Variants in CXCL13 observed in about 807,000 individuals in gnomAD.
CXCL13 encodes the protein C-X-C motif chemokine ligand 13.
A neutral mutation model predicts 12.2 loss-of-function variants in CXCL13; 7 were observed. That is an observed-to-expected ratio of 0.57 (90% confidence interval 0.33 to 1.07). The LOEUF is 1.07. Among genes scored for constraint, CXCL13 ranks in the 50% least tolerant of loss-of-function variants. The probability of loss-of-function intolerance (pLI) is 0.04; values close to 1 mark genes in which losing one functional copy is unlikely to be tolerated. For synonymous variants in CXCL13, 47 were observed against 42.4 expected, an observed-to-expected ratio of 1.11 and a Z score of -0.42; for missense variants, 113 against 127.4, an observed-to-expected ratio of 0.89 and a Z score of 0.55.
chr4:77,568,007 C>T (rs1351866903), intron 1 of CXCL13, among the ~76,000 whole-genome samples: 1 of 152,208 alleles, frequency 6.6e-6, no homozygotes, highest in Non-Finnish European at 1.5e-5. Flanking sequence ...TGTCCACTTG[C>T]CCTTGGCTCT....
chr4:77,574,620 A>G (rs961024297), intron 1 of CXCL13, among the ~76,000 whole-genome samples: 3 of 151,966 alleles, frequency 2.0e-5, no homozygotes, highest in African/African-American at 7.3e-5. Context: ...TTGGGCACCT[A>G]AAAGACAGAA....
At position 77,611,564 on chromosome 4, in the gene CXCL13, C is replaced by T; in HGVS notation, c.*525C>T. 7.6e-6 allele frequency: 3 copies of T among 397,142 alleles called. No individual in the cohort carries two copies. The highest frequency in any genetic ancestry group is 1.3e-5 in the Non-Finnish European group (3 of 225,622). The allele number at this position is 397,142 out of a possible 1,614,324, so 24.6% of individuals were successfully genotyped here. On this transcript the variant is annotated 3_prime_UTR_variant, in exon 4 of 4. Transcript: ENST00000682537. ...CACTACGGAGGAGAATTAAGTCCTA[C>T]TTTTAAAGAATTTCTTTATAAAATT...
intron 1 of CXCL13, among the ~76,000 whole-genome samples, chr4:77,589,556 GAAAAA>G (rs1025081480): frequency 7.4e-6 from 1 of 134,562 alleles, no homozygotes; most frequent in Non-Finnish European, 1.6e-5. Context: ...GTATGTATCA[GAAAAA>G]AAAAACCTAG....
chr4:77,566,193 C>T (rs972722582), intron 1 of CXCL13, among the ~76,000 whole-genome samples: 7 of 152,138 alleles, frequency 4.6e-5, no homozygotes, highest in South Asian at 4.1e-4. Flanking sequence ...AAATTTCTTC[C>T]GTCCCGCTTC....
chr4:77,604,019 C>G (rs1174793516), upstream of CXCL13, among the ~76,000 whole-genome samples: 1 of 152,198 alleles, frequency 6.6e-6, no homozygotes, highest in East Asian at 1.9e-4. Context: ...TAGTTTATAA[C>G]CCTGAGTGAC....
At chr4:77,593,366 T>G (rs1437423948) in intron 1 of CXCL13, among the ~76,000 whole-genome samples, 1 of 152,202 alleles carries the variant, frequency 6.6e-6, no homozygotes, top group African/African-American at 2.4e-5. Flanking sequence ...TCACATCATC[T>G]CCCATATGTG....
At chr4:77,564,629 C>T (rs577877763) in intron 1 of CXCL13, among the ~76,000 whole-genome samples, 1 of 152,286 alleles carries the variant, frequency 6.6e-6, no homozygotes, top group Non-Finnish European at 1.5e-5. Flanking sequence ...CCTATACCAC[C>T]AGTGAAGAAA....
At chr4:77,547,577 A>C (rs1351564252) in intron 1 of CXCL13, among the ~76,000 whole-genome samples, 5 of 150,134 alleles carry the variant, frequency 3.3e-5, no homozygotes, top group African/African-American at 1.2e-4. Flanking sequence ...TTTGTTTTCC[A>C]TTTTCTTGGT....
At chr4:77,596,568 T>C (rs1451943064) in intron 1 of CXCL13, among the ~76,000 whole-genome samples, 5 of 152,058 alleles carry the variant, frequency 3.3e-5, no homozygotes. Context: ...GCGAATCACC[T>C]GAGGTCAGGA....
intron 1 of CXCL13, among the ~76,000 whole-genome samples, chr4:77,533,882 A>G (rs1443502412): frequency 6.6e-6 from 1 of 152,212 alleles, no homozygotes; most frequent in Non-Finnish European, 1.5e-5. Flanking sequence ...GACCTTTGGA[A>G]AAGTGCAGTA....
intron 1 of CXCL13, among the ~76,000 whole-genome samples, chr4:77,519,742 G>T (rs1428705984): frequency 1.3e-5 from 2 of 152,088 alleles, no homozygotes; most frequent in Non-Finnish European, 2.9e-5. Flanking sequence ...GTCAATTTTG[G>T]CTTTTGTTGT....
chr4:77,542,769 T>C (rs1256268942), intron 1 of CXCL13, among the ~76,000 whole-genome samples: 4 of 152,196 alleles, frequency 2.6e-5, no homozygotes, highest in Admixed American at 2.6e-4. Context: ...AGTTTGCTGG[T>C]ATTTACTTGA....
chr4:77,569,046 G>A (rs1415752359), intron 1 of CXCL13, among the ~76,000 whole-genome samples: 1 of 152,154 alleles, frequency 6.6e-6, no homozygotes, highest in Non-Finnish European at 1.5e-5. Context: ...TTGTCACTAA[G>A]GTGCCTTTTA....
intron 1 of CXCL13, among the ~76,000 whole-genome samples, chr4:77,557,184 C>T (rs1725679529): frequency 6.6e-6 from 1 of 152,162 alleles, no homozygotes; most frequent in Non-Finnish European, 1.5e-5. Flanking sequence ...TCATTGATTA[C>T]TTGGTTCTCT....
chr4:77,549,140 C>T (rs753790999), intron 1 of CXCL13, among the ~76,000 whole-genome samples: 1 of 152,196 alleles, frequency 6.6e-6, no homozygotes, highest in Non-Finnish European at 1.5e-5. Flanking sequence ...GCTACTGAAG[C>T]TTGTGCATGT....
chr4:77,593,352 T>C (rs1726663951), intron 1 of CXCL13, among the ~76,000 whole-genome samples: 1 of 152,210 alleles, frequency 6.6e-6, no homozygotes, highest in Non-Finnish European at 1.5e-5. Context: ...TAATAATCAT[T>C]GCATCACATC....
intron 1 of CXCL13, among the ~76,000 whole-genome samples, chr4:77,587,709 A>G (rs1726507264): frequency 6.6e-6 from 1 of 152,246 alleles, no homozygotes; most frequent in Non-Finnish European, 1.5e-5. Context: ...ACCCAAGGCC[A>G]TGAAACTAGT....
At chr4:77,563,923 G>A (rs1725869949) in intron 1 of CXCL13, among the ~76,000 whole-genome samples, 1 of 152,146 alleles carries the variant, frequency 6.6e-6, no homozygotes, top group Non-Finnish European at 1.5e-5. Flanking sequence ...ATCTCATCCT[G>A]TCTGTGGCAT....
At chr4:77,570,954 G>T (rs372026939) in intron 1 of CXCL13, among the ~76,000 whole-genome samples, 2 of 152,152 alleles carry the variant, frequency 1.3e-5, no homozygotes, top group South Asian at 4.1e-4. Context: ...CTCTGCCTCC[G>T]TGGGTTCCTG....
Sources: allele counts gnomAD v4.1 joint callset (sites outside exome capture counted in the v4.1 genomes callset), GRCh38; gene constraint gnomAD v4.1.1; transcripts MANE v1.5; gene names NCBI Gene and HGNC (gene_info 2026-07-23, HGNC 2026-07-21).